Variants in FBXL7 observed in about 807,000 individuals in gnomAD.
FBXL7 encodes the protein F-box and leucine rich repeat protein 7, also known as F-box/LRR-repeat protein 7.
FBXL7 carries 12 observed loss-of-function variants against 38.3 expected under a neutral mutation model. The ratio of observed to expected loss-of-function variants is 0.31; its 90% confidence interval spans 0.20 to 0.51. The LOEUF (loss-of-function observed/expected upper bound fraction) is 0.51, where lower values mean the gene tolerates loss of function less well. Among genes scored for constraint, FBXL7 ranks in the 20% least tolerant of loss-of-function variants. The pLI, the probability that FBXL7 is intolerant of heterozygous loss-of-function variation, is 0.98. For missense variants in FBXL7, 567 were observed against 676.4 expected (o/e 0.84, Z 1.79); for synonymous variants, 297 against 300.9 (o/e 0.99, Z 0.13).
chr5:15,679,971 C>A (rs1297828961), intron 2 of FBXL7, among the ~76,000 whole-genome samples: 1 of 152,138 alleles, frequency 6.6e-6, no homozygotes, highest in Non-Finnish European at 1.5e-5. Context: ...GCCAAATTTT[C>A]TCTCTAAATG....
In FBXL7 at chr5:15,736,764, C is replaced by G. The variant is rs114030716; in HGVS notation, c.127+120692C>G. 5.3e-3 allele frequency among the ~76,000 whole-genome samples: 812 copies of G among 152,266 alleles called. 10 individuals carry two copies. Among genetic ancestry groups the G allele is most frequent in the African/African-American group, 0.018 (732 of 41,558 alleles). ...AAAGTAAGACATTCAAATTCTCAGC[C>G]TGTCTTGCAGCAGGAGGAGGCCACT... On this transcript the variant is annotated intron_variant, in intron 2 of 3. Transcript: ENST00000504595.
intron 2 of FBXL7, among the ~76,000 whole-genome samples, chr5:15,700,942 A>G (rs201292902): frequency 6.6e-6 from 1 of 152,162 alleles, no homozygotes; most frequent in Non-Finnish European, 1.5e-5. Context: ...GGTACATAAA[A>G]TATTTTGCCT....
intron 2 of FBXL7, among the ~76,000 whole-genome samples, chr5:15,828,471 C>A (rs1025885515): frequency 2.6e-5 from 4 of 152,100 alleles, no homozygotes; most frequent in African/African-American, 9.7e-5. Flanking sequence ...AATGAATGAA[C>A]CCTAGTTGAA....
intron 2 of FBXL7, among the ~76,000 whole-genome samples, chr5:15,704,194 C>T (rs1486246706): frequency 1.3e-5 from 2 of 152,152 alleles, no homozygotes; most frequent in Admixed American, 6.6e-5. Flanking sequence ...CTTCAAGTCA[C>T]CAAATTTAAA....
intron 2 of FBXL7, among the ~76,000 whole-genome samples, chr5:15,631,667 CAAAAAAAAAAA>C (rs754975686): frequency 6.1e-4 from 27 of 43,928 alleles, no homozygotes; most frequent in East Asian, 3.2e-3. Flanking sequence ...AGCGAGACTC[CAAAAAAAAAAA>C]AAAAAAAAAA....
rs71603796 is a variant in FBXL7, at chr5:15,707,174, G to GTTT, written c.127+91123_127+91125dup. On this transcript the variant is annotated intron_variant, in intron 2 of 3. Coordinates refer to ENST00000504595, the MANE Select transcript of FBXL7 (RefSeq NM_012304.5). Reference sequence around the variant, plus strand: ...AGGTAGTGTTTCTTTTTTTCTTTTCGTTTTTTTTTTTTTTTTTTTTTTTGC... The same window carrying GTTT: ...AGGTAGTGTTTCTTTTTTTCTTTTCGTTTTTTTTTTTTTTTTTTTTTTTTTTGC... Among the ~76,000 whole-genome samples, 493 of 70,420 alleles carry GTTT rather than the reference G, an allele frequency of 7.0e-3. 26 individuals are homozygous for GTTT. The highest frequency in any genetic ancestry group is 0.026 in the East Asian group (54 of 2,058). 46.2% of individuals were successfully genotyped at this position (70,420 alleles called of 152,430 possible).
chr5:15,771,224 C>A (rs1736721683), intron 2 of FBXL7, among the ~76,000 whole-genome samples: 1 of 152,134 alleles, frequency 6.6e-6, no homozygotes, highest in South Asian at 2.1e-4. Context: ...CCTTTTCATC[C>A]CTCTTAGCTT....
At chr5:15,542,462 A>G (rs1234233448) in intron 1 of FBXL7, among the ~76,000 whole-genome samples, 1 of 152,226 alleles carries the variant, frequency 6.6e-6, no homozygotes, top group Non-Finnish European at 1.5e-5. Context: ...TAAGCCTGCA[A>G]TAACAAATGA....
At chr5:15,882,491 TGAG>T (rs1270721693) in intron 2 of FBXL7, among the ~76,000 whole-genome samples, 2 of 152,260 alleles carry the variant, frequency 1.3e-5, no homozygotes, top group African/African-American at 4.8e-5. Flanking sequence ...TGTGGTACCA[TGAG>T]AAGAGGAATG....
At chr5:15,804,421 G>C (rs539960531) in intron 2 of FBXL7, among the ~76,000 whole-genome samples, 64 of 152,174 alleles carry the variant, frequency 4.2e-4, no homozygotes, top group African/African-American at 1.4e-3. Context: ...GTGAGCTCTG[G>C]TCATGCCACT....
At chr5:15,778,885 T>G (rs553070240) in intron 2 of FBXL7, among the ~76,000 whole-genome samples, 1 of 152,150 alleles carries the variant, frequency 6.6e-6, no homozygotes, top group East Asian at 1.9e-4. Flanking sequence ...CTAGGGATAA[T>G]GTGTTTAATA....
chr5:15,546,173 T>C lies in FBXL7; in HGVS notation c.37+45460T>C, dbSNP rs942618206. On this transcript the variant is annotated intron_variant, in intron 1 of 3. Coordinates refer to ENST00000504595, the MANE Select transcript of FBXL7 (RefSeq NM_012304.5). Reference sequence around the variant, plus strand: ...GGACAGATGCAGTGACTCACGCCTGTAATCCCAGCACTTTGGGAGGCTGAG... The same window carrying C: ...GGACAGATGCAGTGACTCACGCCTGCAATCCCAGCACTTTGGGAGGCTGAG... Among the ~76,000 whole-genome samples the C allele has an allele frequency of 1.7e-4, 26 of 152,236 alleles. 1 individual carries two copies. The highest frequency in any genetic ancestry group is 2.9e-4 in the Non-Finnish European group (20 of 68,040).
In FBXL7 at chr5:15,500,211, A is replaced by T. The variant is rs1218299867; in HGVS notation, c.-466A>T. The T allele has an allele frequency of 6.6e-6, 1 of 151,710 alleles. No homozygotes were observed. Among genetic ancestry groups the T allele is most frequent in the Admixed American group, 6.6e-5 (1 of 15,242 alleles). The allele number at this position is 151,710 out of a possible 1,614,324, so 9.4% of individuals were successfully genotyped here. A position where few individuals can be genotyped will look rare whatever the true frequency, so the allele number is the denominator to read the frequency against. On this transcript the variant is annotated 5_prime_UTR_variant, in exon 1 of 4. Coordinates refer to ENST00000504595, the MANE Select transcript of FBXL7 (RefSeq NM_012304.5). Reference sequence around the variant, plus strand: ...TCGCTAGTCTTCACTCGCTCCGGGGACCCGCAACAAGTGGCCGCCGCGCCC... The same window carrying T: ...TCGCTAGTCTTCACTCGCTCCGGGGTCCCGCAACAAGTGGCCGCCGCGCCC...
At position 15,928,246 on chromosome 5, in the gene FBXL7, G is replaced by A. The variant is rs761869950; in HGVS notation, c.484G>A (p.Glu162Lys). The A allele has an allele frequency of 6.2e-6, 10 of 1,611,662 alleles. No individual in the cohort carries two copies. The South Asian group carries it at 6.6e-5, about 11-fold the overall frequency. The part of the protein sequence containing the change: ...RLWRTIRLTG[E>K]TINVDRALKV... ...CTGGAGGACTATCCGCCTGACGGGC[G>A]AGACCATCAACGTGGACCGCGCCCT... The change falls in exon 3 of 4, where the codon GAG (glutamate) becomes AAG (lysine). Residue 162 changes from glutamate (E) to lysine (K), a missense_variant. By Grantham distance (56) the Glu-to-Lys change is moderately conservative. Coordinates refer to ENST00000504595, the MANE Select transcript of FBXL7 (RefSeq NM_012304.5). This position sits in a 1 kb window ranked among gnomAD's most constrained non-coding sequence, Gnocchi z 4.0.
intron 2 of FBXL7, among the ~76,000 whole-genome samples, chr5:15,791,897 C>T (rs996888037): frequency 2.6e-5 from 4 of 152,148 alleles, no homozygotes; most frequent in Admixed American, 6.5e-5. Context: ...GGGCTCCAAA[C>T]AGGGTACAGA....
intron 2 of FBXL7, among the ~76,000 whole-genome samples, chr5:15,659,670 G>A (rs1741995735): frequency 6.6e-6 from 1 of 152,158 alleles, no homozygotes; most frequent in African/African-American, 2.4e-5. Context: ...CCATCAGAAG[G>A]AGAATGATGG....
intron 2 of FBXL7, among the ~76,000 whole-genome samples, chr5:15,786,253 G>A (rs1393989706): frequency 6.6e-6 from 1 of 152,084 alleles, no homozygotes; most frequent in Non-Finnish European, 1.5e-5. Context: ...GGTGAGGGGG[G>A]TGTTTCCTCC....
intron 1 of FBXL7, among the ~76,000 whole-genome samples, chr5:15,571,252 C>T (rs1738771327): frequency 6.6e-6 from 1 of 152,044 alleles, no homozygotes; most frequent in Non-Finnish European, 1.5e-5. Context: ...CTTTTCTAAA[C>T]AATGCCGCCT....
intron 2 of FBXL7, among the ~76,000 whole-genome samples, chr5:15,833,305 G>A (rs1738506541): frequency 6.6e-6 from 1 of 152,132 alleles, no homozygotes; most frequent in Non-Finnish European, 1.5e-5. Flanking sequence ...ATGGTGGAAG[G>A]ACAGGAAAGC....
Sources: allele counts gnomAD v4.1 joint callset (sites outside exome capture counted in the v4.1 genomes callset), GRCh38; gene constraint gnomAD v4.1.1; non-coding constraint Gnocchi (gnomAD v3.1); transcripts MANE v1.5; gene names NCBI Gene and HGNC (gene_info 2026-07-23, HGNC 2026-07-21).